The following MAP4K3 variants were observed in gnomAD, a reference collection of about 807,000 sequenced individuals.
MAP4K3 encodes mitogen-activated protein kinase kinase kinase kinase 3.
A neutral mutation model predicts 143.5 loss-of-function variants in MAP4K3; 94 were observed. That is an observed-to-expected ratio of 0.65 (90% CI 0.55 to 0.78). The LOEUF (loss-of-function observed/expected upper bound fraction) is 0.78. MAP4K3 is among the 30% of genes least tolerant of loss of function. The pLI is 0.00. For missense variants in MAP4K3, 1,077 were observed against 1,068.1 expected, an observed-to-expected ratio of 1.01 and a Z score of -0.12; for synonymous variants, 416 against 347.2, an observed-to-expected ratio of 1.20 and a Z score of -2.20.
chr2:39,370,235 T>C (rs1433431381), intron 2 of MAP4K3, among the ~76,000 whole-genome samples: 1 of 152,204 alleles, frequency 6.6e-6, no homozygotes, highest in African/African-American at 2.4e-5. Context: ...CAAGTCATAG[T>C]ATGATTCTAA....
chr2:39,292,742 T>C (rs201190511), intron 18 of MAP4K3, 31 bp downstream of exon 18: 355 of 1,594,548 alleles, frequency 2.2e-4, no homozygotes, highest in Non-Finnish European at 2.8e-4. Flanking sequence ...TGACACCTTT[T>C]CTTTTTACCA....
chr2:39,407,137 C>G (rs946649441), intron 1 of MAP4K3, among the ~76,000 whole-genome samples: 2 of 152,056 alleles, frequency 1.3e-5, no homozygotes, highest in Admixed American at 1.3e-4. Context: ...TTGGTCATCT[C>G]CACAGAATAA....
intron 1 of MAP4K3, among the ~76,000 whole-genome samples, chr2:39,396,093 G>A (rs1004181256): frequency 1.6e-4 from 25 of 152,164 alleles, no homozygotes; most frequent in African/African-American, 6.0e-4. Flanking sequence ...CTGGAATGTA[G>A]TGGCATCATC....
intron 1 of MAP4K3, among the ~76,000 whole-genome samples, chr2:39,385,923 C>A (rs1666493626): frequency 6.6e-6 from 1 of 152,132 alleles, no homozygotes; most frequent in South Asian, 2.1e-4. Context: ...TGAGCCACTG[C>A]ACCCAGCCAA....
intron 22 of MAP4K3, 145 bp from the exon 23 acceptor site, chr2:39,280,501 GT>G (rs1261056270): frequency 3.4e-5 from 14 of 414,238 alleles, no homozygotes; most frequent in Non-Finnish European, 6.0e-5. Context: ...AGAAGTAAGT[GT>G]AAGAAATCAT....
intron 1 of MAP4K3, among the ~76,000 whole-genome samples, chr2:39,429,033 C>G (rs1203790751): frequency 1.4e-5 from 2 of 138,046 alleles, no homozygotes; most frequent in African/African-American, 5.3e-5. Flanking sequence ...CCACTGCACT[C>G]CAGCCTGGGC....
In MAP4K3 at chr2:39,282,547, A is replaced by G; in HGVS notation, c.1595T>C (p.Ile532Thr). 1 of 1,611,104 alleles carries G rather than the reference A, an allele frequency of 6.2e-7. No homozygotes were observed. The highest frequency in any genetic ancestry group is 8.5e-7 in the Non-Finnish European group (1 of 1,178,142). The change falls in exon 22 of 34, where the codon ATT (isoleucine) becomes ACT (threonine). Residue 532 changes from isoleucine to threonine, a missense_variant. Ile to Thr is a moderately conservative substitution (Grantham distance 89). This residue lies in a region of MAP4K3 where 864 missense variants were observed against 801.2 expected (regional missense o/e 1.08). Transcript: ENST00000263881. ...AGGTGTTGGAGGAAGACCATTACTAATAGGCTTCTAGAAAAAGAACACATG... is the reference window on the plus strand; with the variant it reads ...AGGTGTTGGAGGAAGACCATTACTAGTAGGCTTCTAGAAAAAGAACACATG... Reference protein sequence around the residue: ...RKEKKDVPKPISNGLPPTPKV... With the variant: ...RKEKKDVPKPTSNGLPPTPKV...
Position 39,286,950 on chromosome 2 carries a change from A to C in MAP4K3, c.1489T>G (p.Ser497Ala). The change falls in exon 21 of 34, where the codon TCC (serine) becomes GCC (alanine). Residue 497 changes from serine (S) to alanine (A), a missense_variant. Around this residue, in one of 2 missense-constraint regions of MAP4K3, gnomAD observed 864 missense variants for 801.2 expected, o/e 1.08. Transcript: ENST00000263881. The part of the protein sequence containing the change: ...KPVALGNGMS[S>A]FQLNGERDGS... ...TCTCGTTCACCATTTAACTGGAAGGAGCTCATTCCATTTCCTTCAATAAGA... is the reference window on the plus strand; with the variant it reads ...TCTCGTTCACCATTTAACTGGAAGGCGCTCATTCCATTTCCTTCAATAAGA... The C allele has an allele frequency of 6.2e-7, 1 of 1,602,488 alleles. No homozygotes were observed. The highest frequency in any genetic ancestry group is 8.5e-7 in the Non-Finnish European group (1 of 1,173,442).
chr2:39,420,074 CT>C (rs1667504290), intron 1 of MAP4K3, among the ~76,000 whole-genome samples: 1 of 152,210 alleles, frequency 6.6e-6, no homozygotes, highest in African/African-American at 2.4e-5. Flanking sequence ...TATGAACCCC[CT>C]GGCCTAGGGT....
chr2:39,408,686 G>A (rs983038415), intron 1 of MAP4K3, among the ~76,000 whole-genome samples: 11 of 150,432 alleles, frequency 7.3e-5, no homozygotes, highest in South Asian at 2.1e-4. Context: ...GAAGGGTTTC[G>A]AGATATGGAT....
intron 26 of MAP4K3, among the ~76,000 whole-genome samples, chr2:39,270,694 T>C (rs1453666929): frequency 1.3e-5 from 2 of 152,066 alleles, no homozygotes; most frequent in African/African-American, 4.8e-5. Flanking sequence ...AAAAATGGAT[T>C]ACAATATGGT....
chr2:39,307,373 T>A (rs1176834474), intron 15 of MAP4K3, among the ~76,000 whole-genome samples: 1 of 152,082 alleles, frequency 6.6e-6, no homozygotes, highest in Non-Finnish European at 1.5e-5. Flanking sequence ...TAATCTAAAT[T>A]TTGTCCTAAG....
intron 27 of MAP4K3, 118 bp from the exon 28 acceptor site, chr2:39,265,424 C>G (rs953670113): frequency 7.6e-5 from 57 of 749,880 alleles, no homozygotes; most frequent in Non-Finnish European, 1.2e-4. Context: ...AAATCAAAAG[C>G]TGGTTGCCAG....
At chr2:39,432,909 A>AC (rs1665337366) in intron 1 of MAP4K3, among the ~76,000 whole-genome samples, 1 of 152,192 alleles carries the variant, frequency 6.6e-6, no homozygotes, top group African/African-American at 2.4e-5. Context: ...CCAAACACAC[A>AC]AAGGTGAAAA....
chr2:39,418,288 C>G (rs1002253339), intron 1 of MAP4K3, among the ~76,000 whole-genome samples: 1 of 151,212 alleles, frequency 6.6e-6, no homozygotes, highest in East Asian at 1.9e-4. Context: ...TAAGTTGGAG[C>G]AATCTGGGCA....
chr2:39,268,183 AATT>A (rs1680846438), intron 26 of MAP4K3, among the ~76,000 whole-genome samples: 1 of 152,170 alleles, frequency 6.6e-6, no homozygotes, highest in Non-Finnish European at 1.5e-5. Context: ...ATCAATTCTG[AATT>A]TTTTTAAAAA....
chr2:39,386,817 G>GTTTTTTTTTTTTTTTTT (rs774347519), intron 1 of MAP4K3, among the ~76,000 whole-genome samples: 2 of 32,164 alleles, frequency 6.2e-5, no homozygotes, highest in East Asian at 1.3e-3. Context: ...TTTTTTTGTT[G>GTTTTTTTTTTTTTTTTT]TTCTTTTTTT....
chr2:39,345,082 G>C (rs1665247582), intron 3 of MAP4K3, among the ~76,000 whole-genome samples: 1 of 152,158 alleles, frequency 6.6e-6, no homozygotes, highest in Non-Finnish European at 1.5e-5. Context: ...TTAAAAAGTG[G>C]AGATGCTGAG....
At chr2:39,262,191 T>C (rs146400737) in intron 28 of MAP4K3, among the ~76,000 whole-genome samples, 1 of 152,312 alleles carries the variant, frequency 6.6e-6, no homozygotes, top group East Asian at 1.9e-4. Context: ...TAAAGAAAAG[T>C]AAAAGGTGCA....
Sources: allele counts gnomAD v4.1 joint callset (sites outside exome capture counted in the v4.1 genomes callset), GRCh38; gene constraint gnomAD v4.1.1; regional missense constraint gnomAD v4.1.1; transcripts MANE v1.5; gene names NCBI Gene and HGNC (gene_info 2026-07-23, HGNC 2026-07-21).